The following SPIDR variants were observed in gnomAD, a reference collection of about 807,000 sequenced individuals.
SPIDR encodes scaffold protein involved in DNA repair.
In SPIDR, 93 loss-of-function variants were observed where a neutral mutation model predicts 104.6. The ratio of observed to expected loss-of-function variants is 0.89; its 90% CI spans 0.75 to 1.06. SPIDR has a LOEUF of 1.06. Ranked by LOEUF, SPIDR falls within the 50% of genes least tolerant of loss-of-function variation. The probability of loss-of-function intolerance (pLI) is 0.00; values close to 1 mark genes in which losing one functional copy is unlikely to be tolerated. For missense variants in SPIDR, 1,154 were observed against 1,111.2 expected, an observed-to-expected ratio of 1.04 and a Z score of -0.55; for synonymous variants, 431 against 416.9, an observed-to-expected ratio of 1.03 and a Z score of -0.41.
intron 8 of SPIDR, among the ~76,000 whole-genome samples, chr8:47,569,000 C>A (rs1310332803): frequency 2.0e-5 from 3 of 151,964 alleles, no homozygotes; most frequent in Non-Finnish European, 4.4e-5. Context: ...TTTAAAAAAA[C>A]AGGATTCATC....
intron 16 of SPIDR, among the ~76,000 whole-genome samples, chr8:47,717,552 C>T (rs906643711): frequency 6.6e-6 from 1 of 152,176 alleles, no homozygotes; most frequent in Non-Finnish European, 1.5e-5. Flanking sequence ...AGATCCTCAC[C>T]TTTTGTGCCT....
At chr8:47,558,316 C>T (rs1305479932) in intron 8 of SPIDR, among the ~76,000 whole-genome samples, 1 of 152,026 alleles carries the variant, frequency 6.6e-6, no homozygotes, top group Non-Finnish European at 1.5e-5. Flanking sequence ...AATAAAGAAT[C>T]TAAAATAAAA....
chr8:47,310,207 G>A (rs948698875), intron 5 of SPIDR, among the ~76,000 whole-genome samples: 10 of 151,574 alleles, frequency 6.6e-5, no homozygotes, highest in Non-Finnish European at 1.5e-4. Context: ...GTTGGTGGGC[G>A]CCTGTAGTCC....
intron 6 of SPIDR, among the ~76,000 whole-genome samples, chr8:47,397,521 G>C (rs1490500841): frequency 2.6e-5 from 4 of 152,088 alleles, no homozygotes; most frequent in African/African-American, 9.7e-5. Context: ...AAAAAAGAAA[G>C]AAAGAGAACC....
chr8:47,533,012 G>T (rs1278681831), intron 8 of SPIDR, among the ~76,000 whole-genome samples: 26 of 151,940 alleles, frequency 1.7e-4, no homozygotes, highest in Admixed American at 1.7e-3. Flanking sequence ...CACACATCAA[G>T]AAATCCCAAG....
intron 8 of SPIDR, among the ~76,000 whole-genome samples, chr8:47,484,442 A>C (rs1554729302): frequency 6.6e-6 from 1 of 152,178 alleles, no homozygotes; most frequent in Non-Finnish European, 1.5e-5. Flanking sequence ...GTCCTGGTGA[A>C]CCTCATAGTC....
At chr8:47,653,914 T>A (rs1231107534) in intron 10 of SPIDR, 1 of 942,316 alleles carries the variant, frequency 1.1e-6, no homozygotes, top group Non-Finnish European at 1.3e-6. Context: ...AAGAATTGTT[T>A]ACACTATGGG....
At chr8:47,560,038 A>G (rs1455813442) in intron 8 of SPIDR, among the ~76,000 whole-genome samples, 1 of 152,190 alleles carries the variant, frequency 6.6e-6, no homozygotes, top group East Asian at 1.9e-4. Flanking sequence ...GATAGGCCAC[A>G]CCTGACAGGT....
chr8:47,297,962 G>A (rs2154243843), intron 5 of SPIDR, among the ~76,000 whole-genome samples: 1 of 152,218 alleles, frequency 6.6e-6, no homozygotes, highest in East Asian at 1.9e-4. Flanking sequence ...TAATCCTTTT[G>A]GTATATACCC....
chr8:47,502,153 CA>C (rs2080589723), intron 8 of SPIDR, among the ~76,000 whole-genome samples: 1 of 152,194 alleles, frequency 6.6e-6, no homozygotes, highest in Non-Finnish European at 1.5e-5. Flanking sequence ...ATGCTGGCCT[CA>C]TAAAATGAGT....
At chr8:47,272,628 A>G (rs2154215510) in intron 1 of SPIDR, among the ~76,000 whole-genome samples, 1 of 152,260 alleles carries the variant, frequency 6.6e-6, no homozygotes, top group Admixed American at 6.5e-5. Flanking sequence ...GCGCCTCGAG[A>G]TGATCCAGAG....
intron 7 of SPIDR, among the ~76,000 whole-genome samples, chr8:47,425,512 A>G (rs1211031362): frequency 6.6e-6 from 1 of 152,172 alleles, no homozygotes; most frequent in Admixed American, 6.5e-5. Context: ...GGTAAATACA[A>G]CCTCTGTCTA....
intron 7 of SPIDR, among the ~76,000 whole-genome samples, chr8:47,422,711 G>T (rs577379469): frequency 6.6e-6 from 1 of 152,282 alleles, no homozygotes; most frequent in South Asian, 2.1e-4. Context: ...CACGCTGGGA[G>T]ATGTAGACTG....
intron 19 of SPIDR, 85 bp from the exon 20 acceptor site, chr8:47,735,222 A>C: frequency 7.3e-7 from 1 of 1,362,854 alleles, no homozygotes; most frequent in Admixed American, 1.7e-5. Flanking sequence ...AGGGCCTTCC[A>C]CTCTGGCTCT....
chr8:47,509,615 G>A (rs2082010229), intron 8 of SPIDR, among the ~76,000 whole-genome samples: 1 of 152,110 alleles, frequency 6.6e-6, no homozygotes, highest in African/African-American at 2.4e-5. Context: ...AGACAAAAAA[G>A]CAAGTCGCAT....
At chr8:47,641,174 T>G (rs1259245159) in intron 10 of SPIDR, among the ~76,000 whole-genome samples, 1 of 152,012 alleles carries the variant, frequency 6.6e-6, no homozygotes, top group African/African-American at 2.4e-5. Context: ...AATTTAATTT[T>G]ATTTAGAGAC....
At position 47,735,581 on chromosome 8, in the gene SPIDR, T is replaced by C; in HGVS notation, c.*131T>C. On this transcript the variant is annotated 3_prime_UTR_variant, in exon 20 of 20. Coordinates refer to ENST00000297423, the MANE Select transcript of SPIDR (RefSeq NM_001080394.4). ...TTACGATCTTGAAATGAAACTTAGA[T>C]TTTTCTGGGGAAATGTTCAGATACA... 1 of 1,516,648 alleles carries C rather than the reference T, an allele frequency of 6.6e-7. No homozygotes were observed. Among genetic ancestry groups the C allele is most frequent in the Non-Finnish European group, 8.9e-7 (1 of 1,125,314 alleles). 93.9% of individuals were successfully genotyped at this position (1,516,648 alleles called of 1,614,324 possible). A position where few individuals can be genotyped will look rare whatever the true frequency, so the allele number is the denominator to read the frequency against.
chr8:47,464,738 C>T (rs1554715955), intron 8 of SPIDR, among the ~76,000 whole-genome samples: 1 of 151,962 alleles, frequency 6.6e-6, no homozygotes, highest in African/African-American at 2.4e-5. Context: ...TGCCTCGCCT[C>T]ACCTTGCCTC....
At chr8:47,520,752 C>T (rs548592882) in intron 8 of SPIDR, among the ~76,000 whole-genome samples, 25 of 152,330 alleles carry the variant, frequency 1.6e-4, no homozygotes, top group Admixed American at 1.4e-3. Context: ...ATTCCCACCA[C>T]CAGTGGATCA....
Sources: gnomAD v4.1 joint callset for allele counts (sites outside exome capture counted in the v4.1 genomes callset) on GRCh38, gnomAD v4.1.1 for gene constraint, MANE v1.5 for transcripts, NCBI Gene and HGNC (gene_info 2026-07-23, HGNC 2026-07-21) for gene names.